TPST1: variants seen among roughly 807,000 people sequenced by gnomAD.
TPST1 encodes tyrosylprotein sulfotransferase 1, also known as protein-tyrosine sulfotransferase 1.
A neutral mutation model predicts 34.8 loss-of-function variants in TPST1; 20 were observed. The observed-to-expected ratio is 0.57, with a 90% CI of 0.40 to 0.84. The LOEUF is 0.84. TPST1 is among the 40% of genes least tolerant of loss of function. TPST1 has a pLI of 0.00. For missense variants in TPST1, 353 were observed against 455.5 expected (o/e 0.78, Z 2.05); for synonymous variants, 152 against 159.4 (o/e 0.95, Z 0.35).
intron 3 of TPST1, among the ~76,000 whole-genome samples, chr7:66,317,931 G>T (rs1181429710): frequency 1.3e-5 from 2 of 152,118 alleles, no homozygotes; most frequent in Non-Finnish European, 2.9e-5. Flanking sequence ...GGCCAAAGCG[G>T]GTGGATCACC....
chr7:66,303,125 C>G (rs1230290884), intron 3 of TPST1, among the ~76,000 whole-genome samples: 1 of 152,158 alleles, frequency 6.6e-6, no homozygotes, highest in African/African-American at 2.4e-5. Flanking sequence ...TGTACTTTCA[C>G]ATTATATTGT....
chr7:66,256,204 G>C (rs1412005863), intron 2 of TPST1, among the ~76,000 whole-genome samples: 1 of 152,122 alleles, frequency 6.6e-6, no homozygotes, highest in Admixed American at 6.6e-5. Flanking sequence ...ATTGGTATAT[G>C]CTGTTAGTTT....
chr7:66,300,872 G>A (rs573320443), intron 3 of TPST1, among the ~76,000 whole-genome samples: 4 of 152,138 alleles, frequency 2.6e-5, no homozygotes, highest in African/African-American at 9.6e-5. Flanking sequence ...CTTGAACCGG[G>A]GAGGGAGAGG....
intron 3 of TPST1, among the ~76,000 whole-genome samples, chr7:66,320,723 C>T (rs565417206): frequency 2.0e-5 from 3 of 151,850 alleles, no homozygotes; most frequent in Admixed American, 6.6e-5. Context: ...CTCAGCCTCC[C>T]GAGTAGCTGG....
At chr7:66,254,907 G>A (rs1241074323) in intron 2 of TPST1, among the ~76,000 whole-genome samples, 1 of 152,070 alleles carries the variant, frequency 6.6e-6, no homozygotes, top group Non-Finnish European at 1.5e-5. Context: ...CAGCACTTTG[G>A]GAGGCCAAGG....
At chr7:66,307,952 A>T (rs1791456280) in intron 3 of TPST1, among the ~76,000 whole-genome samples, 1 of 152,230 alleles carries the variant, frequency 6.6e-6, no homozygotes, top group Non-Finnish European at 1.5e-5. Context: ...GTTTGAGAAT[A>T]GTTTATTGAC....
At chr7:66,348,024 A>C (rs557544522) in intron 3 of TPST1, among the ~76,000 whole-genome samples, 1 of 152,258 alleles carries the variant, frequency 6.6e-6, no homozygotes, top group Admixed American at 6.5e-5. Context: ...TGAAAGAAAA[A>C]CCCCACCAAC....
chr7:66,205,142 A>T (rs925322613), upstream of TPST1: 2 of 152,154 alleles, frequency 1.3e-5, no homozygotes, highest in Admixed American at 1.3e-4. This position sits in a 1 kb window ranked among gnomAD's most constrained non-coding sequence, Gnocchi z 5.0. Flanking sequence ...GCCGGCTGCG[A>T]CGTCAGACCC....
chr7:66,357,829 T>G (rs907506526), intron 5 of TPST1, among the ~76,000 whole-genome samples: 1 of 152,254 alleles, frequency 6.6e-6, no homozygotes, highest in Non-Finnish European at 1.5e-5. Flanking sequence ...CTCATGCCTG[T>G]AATCCCAGCA....
At chr7:66,274,002 CT>C (rs369597189) in intron 2 of TPST1, among the ~76,000 whole-genome samples, 95 of 148,640 alleles carry the variant, frequency 6.4e-4, no homozygotes, top group African/African-American at 2.2e-3. Context: ...TCTTTCTTTT[CT>C]TTTTTTTTTC....
chr7:66,337,424 C>T (rs186297924), intron 3 of TPST1, among the ~76,000 whole-genome samples: 233 of 151,226 alleles, frequency 1.5e-3, no homozygotes, highest in African/African-American at 5.3e-3. Context: ...ATTCTCATGC[C>T]TCAGCCTCCG....
intron 1 of TPST1, among the ~76,000 whole-genome samples, chr7:66,216,597 G>A (rs920593267): frequency 9.9e-5 from 15 of 152,112 alleles, no homozygotes; most frequent in African/African-American, 3.6e-4. Flanking sequence ...GGCCTCCCGA[G>A]TAGCTGGGAT....
At chr7:66,267,606 G>A (rs756991962) in intron 2 of TPST1, among the ~76,000 whole-genome samples, 20 of 152,088 alleles carry the variant, frequency 1.3e-4, no homozygotes, top group Non-Finnish European at 1.2e-4. Flanking sequence ...CGAGAAACAG[G>A]GGAGAGAAAG....
At position 66,329,296 on chromosome 7, in the gene TPST1, A is replaced by AT. The variant is rs1322795461; in HGVS notation, c.1045-23203dup. On this transcript the variant is annotated intron_variant, in intron 3 of 5. Coordinates refer to ENST00000304842, the MANE Select transcript of TPST1 (RefSeq NM_003596.4). ...TTGTTGTGTTGAAACTATCTTCCTG[A>AT]TTTTTTCCAATTTTTTATAGAGAAA... Among the ~76,000 whole-genome samples, 19 of 152,042 alleles carry AT rather than the reference A, an allele frequency of 1.2e-4. No homozygotes were observed. In the East Asian group the frequency reaches 2.5e-3, roughly 20 times the overall value.
chr7:66,295,912 A>G (rs1562832428), intron 3 of TPST1, among the ~76,000 whole-genome samples: 1 of 152,192 alleles, frequency 6.6e-6, no homozygotes, highest in Non-Finnish European at 1.5e-5. Context: ...AAGTGCTAGG[A>G]TTACATGAGC....
chr7:66,323,779 A>T (rs1272467421), intron 3 of TPST1, among the ~76,000 whole-genome samples: 4 of 152,228 alleles, frequency 2.6e-5, no homozygotes, highest in African/African-American at 4.8e-5. Context: ...AACTATAATC[A>T]GATACTACTT....
intron 1 of TPST1, among the ~76,000 whole-genome samples, chr7:66,213,743 CAAAA>C (rs749299136): frequency 3.1e-5 from 3 of 96,548 alleles, no homozygotes; most frequent in Non-Finnish European, 4.4e-5. Flanking sequence ...GACTCCATCT[CAAAA>C]AAAAAAAAAA....
chr7:66,284,776 C>T (rs1215056355), intron 2 of TPST1, among the ~76,000 whole-genome samples: 7 of 151,992 alleles, frequency 4.6e-5, no homozygotes, highest in African/African-American at 1.7e-4. Flanking sequence ...AGGATGGTCT[C>T]GAACTCCTGA....
chr7:66,324,800 CAAAAAAAAAAAAA>C (rs56389964), intron 3 of TPST1, among the ~76,000 whole-genome samples: 3 of 109,270 alleles, frequency 2.7e-5, no homozygotes, highest in Admixed American at 1.0e-4. Context: ...GACTCTGTCT[CAAAAAAAAAAAAA>C]AAAAAAAAAA....
Sources: allele counts gnomAD v4.1 joint callset (sites outside exome capture counted in the v4.1 genomes callset), GRCh38; gene constraint gnomAD v4.1.1; non-coding constraint Gnocchi (gnomAD v3.1); transcripts MANE v1.5; gene names NCBI Gene and HGNC (gene_info 2026-07-23, HGNC 2026-07-21).